The following CYRIB variants were observed in gnomAD, a reference collection of about 807,000 sequenced individuals.
The protein encoded by CYRIB is CYFIP-related Rac1 interactor B.
CYRIB carries 8 observed loss-of-function variants against 44.2 expected under a neutral mutation model. That is an observed-to-expected ratio of 0.18 (90% CI 0.11 to 0.33). The LOEUF (loss-of-function observed/expected upper bound fraction) is 0.33. Ranked by LOEUF, CYRIB falls within the 10% of genes least tolerant of loss-of-function variation. CYRIB has a pLI of 1.00. For synonymous variants in CYRIB, 131 were observed against 127.2 expected, an observed-to-expected ratio of 1.03 and a Z score of -0.20; for missense variants, 185 against 382.8, an observed-to-expected ratio of 0.48 and a Z score of 4.31.
chr8:129,862,381 A>G (rs2050243370), intron 4 of CYRIB, 47 bp from the exon 7 acceptor site: 2 of 1,356,064 alleles, frequency 1.5e-6, no homozygotes, highest in East Asian at 4.6e-5. Flanking sequence ...AAAAAAAAAA[A>G]GGTTCATTTT....
At chr8:129,874,654 C>T (rs1186026649) in intron 3 of CYRIB, among the ~76,000 whole-genome samples, 1 of 151,986 alleles carries the variant, frequency 6.6e-6, no homozygotes, top group African/African-American at 2.4e-5. Context: ...GGTACAGAGA[C>T]ATAAATAAGC....
intron 4 of CYRIB, among the ~76,000 whole-genome samples, chr8:129,863,846 T>A (rs1434533840): frequency 1.3e-5 from 2 of 152,234 alleles, no homozygotes; most frequent in African/African-American, 4.8e-5. Context: ...TAACATGTTC[T>A]TCAACAACCT....
At chr8:129,901,373 T>C (rs761764492) in intron 2 of CYRIB, 1 of 152,084 alleles carries the variant, frequency 6.6e-6, no homozygotes. Context: ...GGTGCTACCA[T>C]GCCTGGCTGA....
intron 1 of CYRIB, among the ~76,000 whole-genome samples, chr8:130,010,252 T>C (rs2097188417): frequency 6.6e-6 from 1 of 152,206 alleles, no homozygotes; most frequent in Non-Finnish European, 1.5e-5. Flanking sequence ...CAGAGGTACA[T>C]TTTGAACTAG....
intron 2 of CYRIB, among the ~76,000 whole-genome samples, chr8:129,885,610 G>C (rs983139057): frequency 2.6e-5 from 4 of 152,090 alleles, no homozygotes; most frequent in Non-Finnish European, 5.9e-5. Flanking sequence ...CTGCCCACTA[G>C]ATACCCCTTA....
intron 1 of CYRIB, among the ~76,000 whole-genome samples, chr8:129,989,671 T>C (rs1295670230): frequency 1.3e-5 from 2 of 151,056 alleles, no homozygotes; most frequent in Non-Finnish European, 3.0e-5. Flanking sequence ...ATACTTTAAG[T>C]TTTAGGGTAC....
intron 4 of CYRIB, among the ~76,000 whole-genome samples, chr8:129,869,005 T>C (rs537392307): frequency 1.8e-4 from 25 of 140,514 alleles, no homozygotes; most frequent in Non-Finnish European, 2.9e-4. Flanking sequence ...CAAGACCAAC[T>C]TGGCCAACAG....
intron 1 of CYRIB, among the ~76,000 whole-genome samples, chr8:129,909,462 T>C (rs1390072534): frequency 1.3e-5 from 2 of 152,226 alleles, no homozygotes; most frequent in African/African-American, 4.8e-5. Flanking sequence ...GTATTTGTAC[T>C]GCTTTTTATC....
At chr8:129,885,271 C>T (rs2062287699) in intron 2 of CYRIB, among the ~76,000 whole-genome samples, 1 of 152,202 alleles carries the variant, frequency 6.6e-6, no homozygotes, top group Non-Finnish European at 1.5e-5. Flanking sequence ...CTCTGCCAAC[C>T]TTCTCAAAGG....
chr8:130,003,710 G>A (rs572237586), intron 1 of CYRIB, among the ~76,000 whole-genome samples: 1 of 152,328 alleles, frequency 6.6e-6, no homozygotes, highest in African/African-American at 2.4e-5. Context: ...AGGTGTCCAA[G>A]GTGTTGGGAC....
At chr8:129,940,673 A>AT (rs776631616), upstream of CYRIB, among the ~76,000 whole-genome samples, 114 of 151,940 alleles carry the variant, frequency 7.5e-4, 1 homozygote, top group African/African-American at 2.3e-3. Context: ...ATAAAGCTGA[A>AT]TTTTTTTTTA....
chr8:129,928,373 G>A (rs1416729586), intron 1 of CYRIB, among the ~76,000 whole-genome samples: 1 of 149,524 alleles, frequency 6.7e-6, no homozygotes, highest in African/African-American at 2.4e-5. Context: ...CACAGATTGA[G>A]AGAAAATATT....
intron 1 of CYRIB, among the ~76,000 whole-genome samples, chr8:129,988,086 G>A (rs1263724308): frequency 2.6e-5 from 4 of 152,122 alleles, no homozygotes; most frequent in African/African-American, 4.8e-5. Flanking sequence ...GGATGCAGGC[G>A]GGCTGAGGCC....
intron 3 of CYRIB, among the ~76,000 whole-genome samples, chr8:129,871,939 T>C (rs2133301891): frequency 6.6e-6 from 1 of 152,278 alleles, no homozygotes; most frequent in Middle Eastern, 3.4e-3. Context: ...ATTTTTATTT[T>C]CCTATAAAGT....
intron 2 of CYRIB, chr8:129,901,872 CAT>C (rs1216138472): frequency 6.6e-6 from 1 of 152,140 alleles, no homozygotes; most frequent in Non-Finnish European, 1.5e-5. Context: ...GAGAAACACA[CAT>C]ATTAATGTAA....
intron 1 of CYRIB, among the ~76,000 whole-genome samples, chr8:129,926,190 A>G (rs1375252803): frequency 6.6e-6 from 1 of 152,238 alleles, no homozygotes; most frequent in Non-Finnish European, 1.5e-5. Flanking sequence ...AAAAGCAGGA[A>G]TAAAATAAAA....
rs115560994 is a variant in CYRIB at position 129,914,079 on chromosome 8, T to A, written c.-49-10729A>T. Reference sequence around the variant, plus strand: ...CACTGCATACCTGTTATTCACTAAATGTACAGGCTGCAGAGCAGTAGCTGT... The same window carrying A: ...CACTGCATACCTGTTATTCACTAAAAGTACAGGCTGCAGAGCAGTAGCTGT... On this transcript the variant is annotated intron_variant, in intron 1 of 11. Transcript: ENST00000519824. Among the ~76,000 whole-genome samples, 727 of 152,334 alleles carry A rather than the reference T, an allele frequency of 4.8e-3. 5 individuals are homozygous for A. Among genetic ancestry groups the A allele is most frequent in the African/African-American group, 0.017 (692 of 41,572 alleles).
intron 1 of CYRIB, among the ~76,000 whole-genome samples, chr8:129,987,729 G>A (rs2133109459): frequency 6.6e-6 from 1 of 151,876 alleles, no homozygotes; most frequent in East Asian, 1.9e-4. Flanking sequence ...GCGCCACCTC[G>A]CCCAGTTAAT....
intron 1 of CYRIB, among the ~76,000 whole-genome samples, chr8:129,978,714 T>C (rs1461333668): frequency 1.3e-5 from 2 of 152,202 alleles, no homozygotes; most frequent in East Asian, 3.8e-4. Context: ...TACACTGGGG[T>C]TGGGGGGTGT....
Sources: gnomAD v4.1 joint callset for allele counts (sites outside exome capture counted in the v4.1 genomes callset) on GRCh38, gnomAD v4.1.1 for gene constraint, MANE v1.5 for transcripts, NCBI Gene and HGNC (gene_info 2026-07-23, HGNC 2026-07-21) for gene names.